FAM149A: variants seen among roughly 807,000 people sequenced by gnomAD.
The protein encoded by FAM149A is protein FAM149A.
FAM149A carries 71 observed loss-of-function variants against 78.2 expected under a neutral mutation model. The ratio of observed to expected loss-of-function variants is 0.91; its 90% CI spans 0.75 to 1.11. The LOEUF is 1.11. Among genes scored for constraint, FAM149A ranks in the 50% least tolerant of loss-of-function variants. FAM149A has a pLI of 0.00. For synonymous variants in FAM149A, 446 were observed against 410.5 expected, an observed-to-expected ratio of 1.09 and a Z score of -1.04; for missense variants, 1,036 against 971.0, an observed-to-expected ratio of 1.07 and a Z score of -0.89.
intron 8 of FAM149A, chr4:186,158,464 G>A: frequency 8.8e-7 from 1 of 1,132,068 alleles, no homozygotes; most frequent in Non-Finnish European, 1.1e-6. Flanking sequence ...ACACCCATGG[G>A]AGTCCACGCC....
chr4:186,119,427 G>A (rs2099315068), intron 1 of FAM149A, among the ~76,000 whole-genome samples: 1 of 152,202 alleles, frequency 6.6e-6, no homozygotes, highest in African/African-American at 2.4e-5. Context: ...ACTTTGCAAT[G>A]ATTAAATATC....
intron 1 of FAM149A, chr4:186,127,633 C>T (rs557121612): frequency 6.6e-5 from 65 of 985,322 alleles, no homozygotes; most frequent in Admixed American, 1.2e-4. Flanking sequence ...ACTCTTCAGA[C>T]AAGCAAGAAT....
At chr4:186,150,508 C>A in intron 3 of FAM149A, among the ~76,000 whole-genome samples, 1 of 138,684 alleles carries the variant, frequency 7.2e-6, no homozygotes, top group Non-Finnish European at 1.6e-5. Context: ...CAAGCTCCGC[C>A]TCCCGGGTTC....
intron 1 of FAM149A, among the ~76,000 whole-genome samples, chr4:186,137,503 GATT>G (rs975584585): frequency 2.0e-5 from 3 of 152,020 alleles, no homozygotes; most frequent in African/African-American, 7.2e-5. Context: ...ATTGAGACAG[GATT>G]CCCTATCTAT....
chr4:186,131,074 G>C lies in FAM149A; in HGVS notation c.567-18099G>C, dbSNP rs1359422786. 2.0e-5 allele frequency among the ~76,000 whole-genome samples: 3 copies of C among 152,144 alleles called. No homozygotes were observed. The East Asian group carries it at 5.8e-4, about 29-fold the overall frequency. On this transcript the variant is annotated intron_variant, in intron 1 of 13. Transcript: ENST00000389354. Reference sequence around the variant, plus strand: ...CCTTATAAGAAGAGGAAGGGCAGGCGCAGTGGCTCACGCCTGTAATCCCAG... The same window carrying C: ...CCTTATAAGAAGAGGAAGGGCAGGCCCAGTGGCTCACGCCTGTAATCCCAG...
chr4:186,129,621 G>C (rs1040296770), intron 1 of FAM149A, among the ~76,000 whole-genome samples: 1 of 152,144 alleles, frequency 6.6e-6, no homozygotes, highest in African/African-American at 2.4e-5. Context: ...CAGCACCGGG[G>C]ACTGAAACCC....
intron 8 of FAM149A, chr4:186,158,645 A>C: frequency 9.2e-7 from 1 of 1,083,334 alleles, no homozygotes; most frequent in Non-Finnish European, 1.1e-6. Flanking sequence ...ACTGCCGCCC[A>C]GGTTGAGGGT....
intron 1 of FAM149A, chr4:186,109,972 A>T: frequency 1.0e-6 from 1 of 985,452 alleles, no homozygotes. Flanking sequence ...CTCTGGGATC[A>T]AACTTTTAAT....
At position 186,174,350 on chromosome 4, in the gene FAM149A, G is replaced by T. The variant is rs1735661313; in HGVS notation, c.*2363G>T. 9.1e-6 allele frequency among the ~76,000 whole-genome samples: 1 copy of T among 110,486 alleles called. No individual in the cohort carries two copies. The highest frequency in any genetic ancestry group is 9.0e-5 in the Admixed American group (1 of 11,122). The allele number at this position is 110,486 out of a possible 152,430, so 72.5% of individuals were successfully genotyped here. Reference sequence around the variant, plus strand: ...GGATGGCATTTGTTTTTCTGTTTCTGCATTAGTTTGCTAAGGATAATGACT... The same window carrying T: ...GGATGGCATTTGTTTTTCTGTTTCTTCATTAGTTTGCTAAGGATAATGACT... On this transcript the variant is annotated 3_prime_UTR_variant, in exon 14 of 14. Coordinates refer to ENST00000389354, the MANE Select transcript of FAM149A (RefSeq NM_001367768.3).
chr4:186,160,049 C>T (rs545751144), intron 8 of FAM149A, among the ~76,000 whole-genome samples: 1 of 144,102 alleles, frequency 6.9e-6, no homozygotes, highest in East Asian at 2.1e-4. Flanking sequence ...AAACACACCA[C>T]ATACCATACA....
chr4:186,133,093 A>T (rs1393971065), intron 1 of FAM149A: 1 of 985,218 alleles, frequency 1.0e-6, no homozygotes, highest in Non-Finnish European at 1.2e-6. Context: ...CTAGGCATTC[A>T]CTGGTGGGTA....
chr4:186,150,654 C>T (rs1186847079), intron 3 of FAM149A, among the ~76,000 whole-genome samples: 2 of 145,650 alleles, frequency 1.4e-5, no homozygotes, highest in East Asian at 2.0e-4. Context: ...CTCCTGACCT[C>T]GTGATCCGCC....
At chr4:186,119,390 G>A (rs1257028628) in intron 1 of FAM149A, among the ~76,000 whole-genome samples, 1 of 152,088 alleles carries the variant, frequency 6.6e-6, no homozygotes, top group African/African-American at 2.4e-5. Flanking sequence ...ACAAAATAAA[G>A]GCTTTGTCAT....
chr4:186,126,060 C>A, intron 1 of FAM149A: 1 of 985,378 alleles, frequency 1.0e-6, no homozygotes, highest in Middle Eastern at 5.2e-4. Context: ...GTTTCCCAGA[C>A]TCCTGTGGGA....
At chr4:186,155,955 C>G (rs1270196646) in intron 6 of FAM149A, 45 bp from the exon 7 acceptor site, 1 of 1,506,424 alleles carries the variant, frequency 6.6e-7, no homozygotes, top group Admixed American at 1.8e-5. Flanking sequence ...TATTTTAACT[C>G]TAAGCATTGA....
At position 186,171,894 on chromosome 4, in the gene FAM149A, CT is replaced by C; in HGVS notation, c.2219-16del. 1 of 1,596,970 alleles carries C rather than the reference CT, an allele frequency of 6.3e-7. No individual in the cohort carries two copies. The highest frequency in any genetic ancestry group is 8.5e-7 in the Non-Finnish European group (1 of 1,172,332). ...TTTGTAACATTTTAATGAGAATTAC[CT>C]TTTGCTTGGTGTTTCCAGGTTCACA... On this transcript the variant is annotated intron_variant, in intron 13 of 13. Coordinates refer to ENST00000389354, the MANE Select transcript of FAM149A (RefSeq NM_001367768.3).
In FAM149A at chr4:186,104,720, G is replaced by T. The variant is rs1328282817; in HGVS notation, c.-357G>T. Reference sequence around the variant, plus strand: ...GGCCCAATTAGCCTGGAGCGCGGCCGGGTGTGTTGAACGTAGCAACCGCGG... The same window carrying T: ...GGCCCAATTAGCCTGGAGCGCGGCCTGGTGTGTTGAACGTAGCAACCGCGG... On this transcript the variant is annotated 5_prime_UTR_variant, in exon 1 of 14. Transcript: ENST00000389354. 6.8e-6 allele frequency among the ~76,000 whole-genome samples: 1 copy of T among 147,976 alleles called. No individual in the cohort carries two copies. The highest frequency in any genetic ancestry group is 1.5e-5 in the Non-Finnish European group (1 of 66,944).
At chr4:186,116,787 C>A in intron 1 of FAM149A, 1 of 980,482 alleles carries the variant, frequency 1.0e-6, no homozygotes, top group Non-Finnish European at 1.2e-6. Context: ...TGTTTTTTTG[C>A]TGTGTGTTTA....
At chr4:186,150,925 T>G in intron 3 of FAM149A, 1 of 371,048 alleles carries the variant, frequency 2.7e-6, no homozygotes, top group Non-Finnish European at 3.7e-6. Context: ...TTTCACCATG[T>G]TGGCCAGGCT....
Sources: gnomAD v4.1 joint callset for allele counts (sites outside exome capture counted in the v4.1 genomes callset) on GRCh38, gnomAD v4.1.1 for gene constraint, MANE v1.5 for transcripts, NCBI Gene and HGNC (gene_info 2026-07-23, HGNC 2026-07-21) for gene names.